The following RIMS1 variants were observed in gnomAD, a reference collection of about 807,000 sequenced individuals.
The protein encoded by RIMS1 is regulating synaptic membrane exocytosis protein 1.
In RIMS1, 83 loss-of-function variants were observed where a neutral mutation model predicts 214.1. The ratio of observed to expected loss-of-function variants is 0.39; its 90% CI spans 0.32 to 0.47. The LOEUF (loss-of-function observed/expected upper bound fraction) is 0.47. Ranked by LOEUF, RIMS1 falls within the 20% of genes least tolerant of loss-of-function variation. The probability of loss-of-function intolerance (pLI) is 0.99; values close to 1 mark genes in which losing one functional copy is unlikely to be tolerated. For synonymous variants in RIMS1, 793 were observed against 786.8 expected (o/e 1.01, Z -0.13); for missense variants, 2,050 against 2,161.8 (o/e 0.95, Z 1.03).
At chr6:72,087,637 T>C (rs1001460240) in intron 2 of RIMS1, among the ~76,000 whole-genome samples, 1 of 152,222 alleles carries the variant, frequency 6.6e-6, no homozygotes, top group Non-Finnish European at 1.5e-5. Context: ...AAGAAACTGT[T>C]GCCATGACAT....
chr6:72,242,500 A>C (rs1735980088), intron 10 of RIMS1, 63 bp downstream of exon 10: 1 of 1,250,626 alleles, frequency 8.0e-7, no homozygotes, highest in Admixed American at 2.6e-5. Context: ...GGGTTTTAAA[A>C]AGAATTTTAT....
chr6:72,056,123 G>C (rs1826109223), intron 2 of RIMS1, among the ~76,000 whole-genome samples: 1 of 152,004 alleles, frequency 6.6e-6, no homozygotes, highest in African/African-American at 2.4e-5. Flanking sequence ...AACATGGATG[G>C]AGCTGGAGGC....
At position 72,353,981 on chromosome 6, in the gene RIMS1, A is replaced by C. The variant is rs906338309; in HGVS notation, c.4366+20146A>C. On this transcript the variant is annotated intron_variant, in intron 29 of 33. Coordinates refer to ENST00000521978, the MANE Select transcript of RIMS1 (RefSeq NM_014989.7). ...ACACCTGTAATCCCAGCAATTTGGG[A>C]GGCCGAGGAAGGTGAATCACCTGAG... Among the ~76,000 whole-genome samples, 4 of 152,076 alleles carry C rather than the reference A, an allele frequency of 2.6e-5. No individual in the cohort carries two copies. In the East Asian group the frequency reaches 7.7e-4, roughly 29 times the overall value.
chr6:72,359,141 C>A (rs1471132711), intron 29 of RIMS1, among the ~76,000 whole-genome samples: 1 of 152,156 alleles, frequency 6.6e-6, no homozygotes, highest in Admixed American at 6.5e-5. Flanking sequence ...CTAACAAATA[C>A]AGTTTATCAG....
intron 4 of RIMS1, among the ~76,000 whole-genome samples, chr6:72,147,976 C>T (rs2042973020): frequency 6.6e-6 from 1 of 152,148 alleles, no homozygotes; most frequent in Non-Finnish European, 1.5e-5. Flanking sequence ...ACTGTGGAGC[C>T]CTATTGACCC....
chr6:72,098,405 C>A, intron 3 of RIMS1, among the ~76,000 whole-genome samples: 1 of 152,010 alleles, frequency 6.6e-6, no homozygotes, highest in Non-Finnish European at 1.5e-5. Flanking sequence ...AGTGCTTCTC[C>A]CACCTCAGCC....
intron 1 of RIMS1, among the ~76,000 whole-genome samples, chr6:71,893,558 C>T (rs2150365339): frequency 6.6e-6 from 1 of 152,140 alleles, no homozygotes. Flanking sequence ...AATAAGGGGT[C>T]ATGTATATTT....
intron 26 of RIMS1, among the ~76,000 whole-genome samples, chr6:72,293,544 A>G (rs1044992606): frequency 2.0e-5 from 3 of 151,954 alleles, no homozygotes; most frequent in Admixed American, 6.6e-5. Context: ...ACTCGGTCTT[A>G]CCGATCATAT....
intron 2 of RIMS1, among the ~76,000 whole-genome samples, chr6:72,072,181 ATCTC>A (rs1244444840): frequency 2.0e-5 from 3 of 152,194 alleles, no homozygotes; most frequent in Admixed American, 2.0e-4. Flanking sequence ...TACACCTAAA[ATCTC>A]TCTCTACATG....
intron 1 of RIMS1, among the ~76,000 whole-genome samples, chr6:71,940,353 A>G (rs563054473): frequency 1.3e-5 from 2 of 152,358 alleles, no homozygotes; most frequent in African/African-American, 4.8e-5. Context: ...CATGGAGTCC[A>G]GCAAAAATCT....
chr6:72,028,250 T>C (rs1451634634), intron 2 of RIMS1, among the ~76,000 whole-genome samples: 3 of 152,188 alleles, frequency 2.0e-5, no homozygotes, highest in African/African-American at 4.8e-5. Flanking sequence ...ATATTTCTAA[T>C]GTAACATTTC....
chr6:72,233,874 G>A (rs1367970997), intron 7 of RIMS1, 34 bp downstream of exon 7: 1 of 1,390,114 alleles, frequency 7.2e-7, no homozygotes, highest in South Asian at 1.2e-5. Context: ...TGGAGTTTAG[G>A]GAATATGTGT....
At chr6:72,106,979 T>C (rs1170092964) in intron 4 of RIMS1, among the ~76,000 whole-genome samples, 2 of 152,224 alleles carry the variant, frequency 1.3e-5, no homozygotes, top group African/African-American at 4.8e-5. Flanking sequence ...CTATTTTCAG[T>C]TTTTCTCTTT....
chr6:72,236,760 A>C (rs1053029228), intron 8 of RIMS1, among the ~76,000 whole-genome samples: 2 of 149,810 alleles, frequency 1.3e-5, no homozygotes, highest in Non-Finnish European at 3.0e-5. Flanking sequence ...AAAGTACATC[A>C]ACACTAACAA....
chr6:71,902,659 T>C (rs1317169096), intron 1 of RIMS1, among the ~76,000 whole-genome samples: 1 of 152,088 alleles, frequency 6.6e-6, no homozygotes, highest in Non-Finnish European at 1.5e-5. Flanking sequence ...ATACTTTAGC[T>C]ATTCTTCCTG....
intron 27 of RIMS1, among the ~76,000 whole-genome samples, chr6:72,308,264 A>G (rs1004927209): frequency 2.0e-5 from 3 of 152,102 alleles, no homozygotes; most frequent in African/African-American, 7.2e-5. Context: ...AACTGCTAAT[A>G]TCTGATAATT....
rs553794431 is a variant in RIMS1, at chr6:72,258,553, T to C, written c.2927+272T>C. Among the ~76,000 whole-genome samples, 13 of 152,228 alleles carry C rather than the reference T, an allele frequency of 8.5e-5. No homozygotes were observed. The East Asian group carries it at 2.1e-3, about 25-fold the overall frequency. ...GTATTCTCTTTGCTAGTTTTCTTTC[T>C]TGTTAGAAAAAAATGGTAACAAATC... On this transcript the variant is annotated intron_variant, in intron 17 of 33. Coordinates refer to ENST00000521978, the MANE Select transcript of RIMS1 (RefSeq NM_014989.7).
intron 29 of RIMS1, among the ~76,000 whole-genome samples, chr6:72,352,158 A>G (rs2097473705): frequency 6.6e-6 from 1 of 152,198 alleles, no homozygotes; most frequent in Non-Finnish European, 1.5e-5. Context: ...TTGGTAGACT[A>G]TCTTAAACTG....
At chr6:72,096,822 T>C in intron 2 of RIMS1, 127 bp from the exon 3 acceptor site, 2 of 751,494 alleles carry the variant, frequency 2.7e-6, no homozygotes, top group Non-Finnish European at 4.5e-6. Flanking sequence ...GAAAATAGTT[T>C]TGTATGTTTT....
Sources: gnomAD v4.1 joint callset for allele counts (sites outside exome capture counted in the v4.1 genomes callset) on GRCh38, gnomAD v4.1.1 for gene constraint, MANE v1.5 for transcripts, NCBI Gene and HGNC (gene_info 2026-07-23, HGNC 2026-07-21) for gene names.